Variants in ZIM3 observed in about 807,000 individuals in gnomAD.
ZIM3 encodes zinc finger protein 657.
ZIM3 carries 11 observed loss-of-function variants against 12.9 expected under a neutral mutation model. The ratio of observed to expected loss-of-function variants is 0.85; its 90% CI spans 0.54 to 1.41. The LOEUF (loss-of-function observed/expected upper bound fraction) is 1.41. Among genes scored for constraint, ZIM3 ranks in the 40% most tolerant of loss-of-function variants. The probability of loss-of-function intolerance (pLI) is 0.00; values close to 1 mark genes in which losing one functional copy is unlikely to be tolerated. For synonymous variants in ZIM3, 205 were observed against 198.5 expected (o/e 1.03, Z -0.28); for missense variants, 604 against 557.2 (o/e 1.08, Z -0.85).
intron 1 of ZIM3, among the ~76,000 whole-genome samples, chr19:57,143,134 T>A (rs1016716743): frequency 6.6e-6 from 1 of 152,124 alleles, no homozygotes; most frequent in Non-Finnish European, 1.5e-5. Flanking sequence ...AAGACCATCC[T>A]GGCCAACACG....
chr19:57,138,644 T>G, intron 2 of ZIM3, 46 bp from the exon 3 acceptor site: 1 of 1,600,864 alleles, frequency 6.2e-7, no homozygotes, highest in Non-Finnish European at 8.5e-7. Flanking sequence ...CATTGAATCC[T>G]GCGGCTGAGG....
rs892262267 is a variant in ZIM3 at position 57,134,807 on chromosome 19, T to A, written c.*111A>T. The A allele has an allele frequency of 1.8e-6, 2 of 1,138,624 alleles. No homozygotes were observed. The highest frequency in any genetic ancestry group is 2.5e-6 in the Non-Finnish European group (2 of 798,302). The allele number at this position is 1,138,624 out of a possible 1,614,324, so 70.5% of individuals were successfully genotyped here. ...CAAAGGATACTGTGATAATAAGTCCTCGCTACCTTCAAAAATAGCCTCCAA... is the reference window on the plus strand; with the variant it reads ...CAAAGGATACTGTGATAATAAGTCCACGCTACCTTCAAAAATAGCCTCCAA... On this transcript the variant is annotated 3_prime_UTR_variant, in exon 5 of 5. Coordinates refer to ENST00000269834, the MANE Select transcript of ZIM3 (RefSeq NM_052882.1).
At position 57,135,510 on chromosome 19, in the gene ZIM3, T is replaced by C. The variant is rs1031462414; in HGVS notation, c.827A>G (p.Lys276Arg). The C allele has an allele frequency of 4.3e-6, 7 of 1,614,012 alleles. No individual in the cohort carries two copies. Among genetic ancestry groups the C allele is most frequent in the Admixed American group, 3.3e-5 (2 of 59,988 alleles). Residue 276 changes from lysine (K) to arginine (R), a missense_variant, in exon 5 of 5, where the codon AAG becomes AGG. Lys to Arg is a conservative substitution (Grantham distance 26, BLOSUM62 2). Transcript: ENST00000269834. ...ACATTCATTACACTGATAGGATTTC[T>C]TGGCATTATGAATTTTCTCATGATT... ...CINHEKIHNAKKSYQCNECEK... is the reference protein window; with the variant it reads ...CINHEKIHNARKSYQCNECEK...
chr19:57,137,108 G>A, intron 3 of ZIM3, 137 bp from the exon 4 acceptor site: 1 of 793,182 alleles, frequency 1.3e-6, no homozygotes, highest in East Asian at 2.6e-5. Flanking sequence ...ATGTCAGTGT[G>A]TGGGTATGTG....
In ZIM3 at chr19:57,135,980, T is replaced by A. The variant is rs750586252; in HGVS notation, c.357A>T (p.Glu119Asp). Residue 119 changes from glutamate (E) to aspartate (D), a missense_variant, in exon 5 of 5, where the codon GAA becomes GAT. Glu to Asp is a conservative substitution (Grantham distance 45). Coordinates refer to ENST00000269834, the MANE Select transcript of ZIM3 (RefSeq NM_052882.1). ...GAAGTATTTTCTTAGATCCGTCACA[T>A]TCTACACCTTTCTGCGTAGTCAGCG... ...KETLTTQKGVECDGSKKILPL... is the reference protein window; with the variant it reads ...KETLTTQKGVDCDGSKKILPL... The A allele has an allele frequency of 1.2e-6, 2 of 1,614,208 alleles. No homozygotes were observed. Among genetic ancestry groups the A allele is most frequent in the Non-Finnish European group, 1.7e-6 (2 of 1,180,032 alleles).
intron 3 of ZIM3, among the ~76,000 whole-genome samples, chr19:57,137,902 A>G (rs71333227): frequency 0.013 from 406 of 30,200 alleles, 13 homozygotes; most frequent in African/African-American, 0.054. Flanking sequence ...AAGGAAGGAA[A>G]GAAGGAAGGA....
At position 57,135,757 on chromosome 19, in the gene ZIM3, G is replaced by A; in HGVS notation, c.580C>T (p.Pro194Ser). 3 of 1,613,958 alleles carry A rather than the reference G, an allele frequency of 1.9e-6. No individual in the cohort carries two copies. The highest frequency in any genetic ancestry group is 2.5e-6 in the Non-Finnish European group (3 of 1,180,006). The change falls in exon 5 of 5, where the codon CCC (proline) becomes TCC (serine). Residue 194 changes from proline to serine, a missense_variant. Physicochemically the swap from Pro to Ser is moderately conservative, Grantham distance 74 (BLOSUM62 -1). Coordinates refer to ENST00000269834, the MANE Select transcript of ZIM3 (RefSeq NM_052882.1). ...CTTCCACAGCTATGACATTCAAAGG[G>A]TTTTTGACAGGCATGCCTCCTCAGG... is the stretch of plus-strand genomic sequence containing the variant. ...SHLRRHACQK[P>S]FECHSCGRAF...
Position 57,135,034 on chromosome 19 carries a change from T to G in ZIM3, c.1303A>C (p.Ser435Arg), listed in dbSNP as rs1463047489. Residue 435 changes from serine to arginine, a missense_variant, in exon 5 of 5, where the codon AGT becomes CGT. Ser to Arg is a moderately radical substitution (Grantham distance 110). Coordinates refer to ENST00000269834, the MANE Select transcript of ZIM3 (RefSeq NM_052882.1). ...CCAGTATGGGTTTTTTTATGCAAAC[T>G]AAGGTTTAATTTCCGGATGAAGGTT... ...GKTFIRKLNL[S>R]LHKKTHTGQK... 1.2e-6 allele frequency: 2 copies of G among 1,613,994 alleles called. No individual in the cohort carries two copies. The highest frequency in any genetic ancestry group is 2.7e-5 in the African/African-American group (2 of 74,900).
At chr19:57,137,262 A>G (rs2086891161) in intron 3 of ZIM3, among the ~76,000 whole-genome samples, 1 of 152,060 alleles carries the variant, frequency 6.6e-6, no homozygotes, top group African/African-American at 2.4e-5. Flanking sequence ...AGATAGGAGA[A>G]TTGCTAGAGC....
In ZIM3 at chr19:57,135,987, C is replaced by T; in HGVS notation, c.350G>A (p.Gly117Asp). The change falls in exon 5 of 5, where the codon GGT (glycine) becomes GAT (aspartate). Residue 117 changes from glycine to aspartate, a missense_variant. Physicochemically the swap from Gly to Asp is moderately conservative, Grantham distance 94. Coordinates refer to ENST00000269834, the MANE Select transcript of ZIM3 (RefSeq NM_052882.1). ...TTTCTTAGATCCGTCACATTCTACA[C>T]CTTTCTGCGTAGTCAGCGTTTCCTT... ...INKETLTTQK[G>D]VECDGSKKIL... is the part of the protein sequence containing the mutation. 1 of 1,614,162 alleles carries T rather than the reference C, an allele frequency of 6.2e-7. No individual in the cohort carries two copies. Among genetic ancestry groups the T allele is most frequent in the Non-Finnish European group, 8.5e-7 (1 of 1,180,026 alleles).
In ZIM3 at chr19:57,138,464, G is replaced by A. The variant is rs551884623; in HGVS notation, c.142+8C>T. 168 of 1,613,902 alleles carry A rather than the reference G, an allele frequency of 1.0e-4. No homozygotes were observed. Among genetic ancestry groups the A allele is most frequent in the Non-Finnish European group, 1.3e-4 (158 of 1,179,990 alleles). ...TTTGAGTCCCCCTGCCCGGGAAGCCGTCCTTACCCACAGAGACAAGGTTGC... is the reference window on the plus strand; with the variant it reads ...TTTGAGTCCCCCTGCCCGGGAAGCCATCCTTACCCACAGAGACAAGGTTGC... On this transcript the variant is annotated splice_region_variant and intron_variant, in intron 3 of 4. Transcript: ENST00000269834.
In ZIM3 at chr19:57,134,575, C is replaced by T. The variant is rs73060874; in HGVS notation, c.*343G>A. The T allele has an allele frequency of 0.09, 17,141 of 190,592 alleles. 1,614 individuals carry two copies. Among genetic ancestry groups the T allele is most frequent in the East Asian group, 0.42 (3,121 of 7,448 alleles). The allele number at this position is 190,592 out of a possible 1,614,324, so 11.8% of individuals were successfully genotyped here. A position where few individuals can be genotyped will look rare whatever the true frequency, so the allele number is the denominator to read the frequency against. ...GATTACAGGCATTTGAGCCACCACG[C>T]CTGGCCAAAAGTATAGTCTTTTAAA... is the stretch of plus-strand genomic sequence containing the variant. On this transcript the variant is annotated 3_prime_UTR_variant, in exon 5 of 5. Transcript: ENST00000269834.
At chr19:57,144,416 G>A (rs995024832) in intron 1 of ZIM3, among the ~76,000 whole-genome samples, 7 of 151,960 alleles carry the variant, frequency 4.6e-5, no homozygotes, top group Admixed American at 2.6e-4. Flanking sequence ...CAACTTTAAT[G>A]TTTATTAAAG....
At chr19:57,137,202 G>T (rs2086890945) in intron 3 of ZIM3, among the ~76,000 whole-genome samples, 1 of 152,074 alleles carries the variant, frequency 6.6e-6, no homozygotes, top group South Asian at 2.1e-4. Context: ...TGCTTTTTCT[G>T]GGCTGGGTGT....
rs375406362 is a variant in ZIM3, at chr19:57,135,570, C to T, written c.767G>A (p.Cys256Tyr). 1.2e-6 allele frequency: 2 copies of T among 1,613,804 alleles called. No individual in the cohort carries two copies. Among genetic ancestry groups the T allele is most frequent in the Non-Finnish European group, 1.7e-6 (2 of 1,179,960 alleles). ...TKEKPYQCKT[C>Y]GKAFSWKSSC... ...TGATTTCCAGGAAAAGGCTTTTCCA[C>T]ATGTCTTACACTGATAGGGTTTCTC... The change falls in exon 5 of 5, where the codon TGT becomes TAT. Residue 256 changes from cysteine (C) to tyrosine (Y), a missense_variant. Cys to Tyr is a radical substitution (Grantham distance 194). Transcript: ENST00000269834.
intron 3 of ZIM3, among the ~76,000 whole-genome samples, chr19:57,137,786 T>C (rs1276818546): frequency 5.5e-5 from 8 of 144,934 alleles, no homozygotes; most frequent in Admixed American, 4.2e-4. Flanking sequence ...CAGACCCTGT[T>C]AGGAGAAAGG....
intron 1 of ZIM3, among the ~76,000 whole-genome samples, chr19:57,143,246 G>A (rs2122671702): frequency 6.6e-6 from 1 of 152,018 alleles, no homozygotes; most frequent in Non-Finnish European, 1.5e-5. Flanking sequence ...CAGGAGAATG[G>A]CGGGAACCCG....
At position 57,135,688 on chromosome 19, in the gene ZIM3, G is replaced by T; in HGVS notation, c.649C>A (p.His217Asn). The change falls in exon 5 of 5, where the codon CAC becomes AAC. Residue 217 changes from histidine (H) to asparagine (N), a missense_variant. Transcript: ENST00000269834. ...KWKLDKHQKT[H>N]AEERPYKCEN... is the part of the protein sequence containing the mutation. ...CATTTATAGGGCCTTTCCTCTGCGTGAGTTTTCTGATGTTTATCAAGCTTC... is the reference window on the plus strand; with the variant it reads ...CATTTATAGGGCCTTTCCTCTGCGTTAGTTTTCTGATGTTTATCAAGCTTC... The T allele has an allele frequency of 6.2e-7, 1 of 1,613,752 alleles. No individual in the cohort carries two copies.
At chr19:57,138,776 A>G (rs1348955893) in intron 2 of ZIM3, among the ~76,000 whole-genome samples, 178 bp from the exon 3 acceptor site, 2 of 152,168 alleles carry the variant, frequency 1.3e-5, no homozygotes, top group Non-Finnish European at 2.9e-5. Flanking sequence ...AGACCTACTC[A>G]TGACACTGCC....
Sources: gnomAD v4.1 joint callset for allele counts (sites outside exome capture counted in the v4.1 genomes callset) on GRCh38, gnomAD v4.1.1 for gene constraint, MANE v1.5 for transcripts, NCBI Gene and HGNC (gene_info 2026-07-23, HGNC 2026-07-21) for gene names.